Variants in COL28A1 observed in about 807,000 individuals in gnomAD.
The protein encoded by COL28A1 is collagen alpha-1(XXVIII) chain.
COL28A1 carries 161 observed loss-of-function variants against 150.2 expected under a neutral mutation model. The ratio of observed to expected loss-of-function variants is 1.07; its 90% CI spans 0.94 to 1.22. The LOEUF (loss-of-function observed/expected upper bound fraction) is 1.22. Among genes scored for constraint, COL28A1 ranks in the 50% most tolerant of loss-of-function variants. COL28A1 has a pLI of 0.00. For missense variants in COL28A1, 1,617 were observed against 1,388.3 expected (o/e 1.16, Z -2.62); for synonymous variants, 552 against 469.7 (o/e 1.18, Z -2.26).
intron 27 of COL28A1, among the ~76,000 whole-genome samples, chr7:7,383,682 G>GTGTGTGTGTATATA (rs1554262302): frequency 8.1e-6 from 1 of 124,098 alleles, no homozygotes; most frequent in African/African-American, 3.0e-5. Flanking sequence ...GTGTGTGTGT[G>GTGTGTGTGTATATA]TATATATATA....
chr7:7,355,493 C>CTG (rs1554257660), downstream of COL28A1, among the ~76,000 whole-genome samples: 1 of 152,044 alleles, frequency 6.6e-6, no homozygotes, highest in Non-Finnish European at 1.5e-5. Context: ...GGCTGTAGTC[C>CTG]TAGCTACTCA....
At chr7:7,524,899 C>G (rs7810348) in intron 3 of COL28A1, among the ~76,000 whole-genome samples, 1 of 152,050 alleles carries the variant, frequency 6.6e-6, no homozygotes, top group Non-Finnish European at 1.5e-5. Context: ...ACTTTATTTA[C>G]AGAATTTCAA....
chr7:7,445,784 G>A (rs530662684), intron 18 of COL28A1, among the ~76,000 whole-genome samples: 1 of 151,106 alleles, frequency 6.6e-6, no homozygotes, highest in South Asian at 2.1e-4. Context: ...CTAACACTAA[G>A]TAGATGGAAT....
At position 7,432,685 on chromosome 7, in the gene COL28A1, G is replaced by A. The variant is rs753811050; in HGVS notation, c.1876C>T (p.Arg626Trp). The change falls in exon 24 of 35, where the codon CGG becomes TGG. Residue 626 changes from arginine (R) to tryptophan (W), a missense_variant. Arg to Trp is a moderately radical substitution (Grantham distance 101). Transcript: ENST00000399429. ...AGTCCTGGAGCACCCACTGGTCCCC[G>A]AGGGCCTTGGACACCCTGGGTAAAT... The part of the protein sequence containing the change: ...IRGPKGVQGP[R>W]GPVGAPGLKG... The A allele has an allele frequency of 4.1e-5, 66 of 1,613,476 alleles. No individual in the cohort carries two copies. In the East Asian group the frequency reaches 5.6e-4, roughly 14 times the overall value.
At chr7:7,527,153 T>A (rs2115234366) in intron 3 of COL28A1, among the ~76,000 whole-genome samples, 1 of 152,340 alleles carries the variant, frequency 6.6e-6, no homozygotes, top group African/African-American at 2.4e-5. Flanking sequence ...GAATTTATAT[T>A]TCTATGGAAA....
chr7:7,381,472 T>G, intron 28 of COL28A1, 72 bp downstream of exon 28: 1 of 1,074,024 alleles, frequency 9.3e-7, no homozygotes, highest in South Asian at 1.3e-5. Context: ...TATATGAGAG[T>G]TCTTCCAAAG....
intron 34 of COL28A1, among the ~76,000 whole-genome samples, chr7:7,359,072 C>G (rs1221122449): frequency 6.6e-6 from 1 of 151,860 alleles, no homozygotes; most frequent in East Asian, 1.9e-4. Flanking sequence ...TGTTTATTTC[C>G]CTGAAAGCCT....
At chr7:7,394,971 A>G (rs1782753468) in intron 27 of COL28A1, among the ~76,000 whole-genome samples, 1 of 152,196 alleles carries the variant, frequency 6.6e-6, no homozygotes, top group Admixed American at 6.5e-5. Flanking sequence ...TCATTGCCTC[A>G]GACTGAAATG....
chr7:7,432,656 T>A lies in COL28A1; in HGVS notation c.1905A>T (p.Lys635Asn). 6.2e-7 allele frequency: 1 copy of A among 1,614,016 alleles called. No individual in the cohort carries two copies. Among genetic ancestry groups the A allele is most frequent in the Non-Finnish European group, 8.5e-7 (1 of 1,179,980 alleles). The change falls in exon 24 of 35, where the codon AAA becomes AAT. Residue 635 changes from lysine to asparagine, a missense_variant. By Grantham distance (94) the Lys-to-Asn change is moderately conservative. Transcript: ENST00000399429. ...CAGGCACACCAGGATAGCCATCACC[T>A]TTGAGTCCTGGAGCACCCACTGGTC... is the stretch of plus-strand genomic sequence containing the variant. ...PRGPVGAPGL[K>N]GDGYPGVPGP...
chr7:7,431,007 A>C (rs1784932237), intron 25 of COL28A1, among the ~76,000 whole-genome samples: 1 of 152,154 alleles, frequency 6.6e-6, no homozygotes, highest in South Asian at 2.1e-4. Flanking sequence ...GGCAGCTATC[A>C]AGATTCCCTT....
intron 13 of COL28A1, among the ~76,000 whole-genome samples, chr7:7,487,432 G>C (rs899309026): frequency 6.6e-6 from 1 of 152,048 alleles, no homozygotes; most frequent in Non-Finnish European, 1.5e-5. Flanking sequence ...ACAAAAATTA[G>C]CCAGGCATGG....
chr7:7,375,532 T>C (rs1053045818), intron 30 of COL28A1, 35 bp from the exon 31 acceptor site: 2 of 1,361,734 alleles, frequency 1.5e-6, no homozygotes, highest in Non-Finnish European at 1.0e-6. Context: ...TTACTATATG[T>C]ATGACTATAA....
At chr7:7,462,694 A>C (rs1368283347) in intron 15 of COL28A1, among the ~76,000 whole-genome samples, 1 of 152,112 alleles carries the variant, frequency 6.6e-6, no homozygotes, top group South Asian at 2.1e-4. Flanking sequence ...CCCCGTCTCT[A>C]CTAAAAATAC....
intron 9 of COL28A1, among the ~76,000 whole-genome samples, chr7:7,509,774 C>G (rs992594781): frequency 2.6e-5 from 4 of 152,062 alleles, no homozygotes; most frequent in African/African-American, 9.7e-5. Flanking sequence ...TATTCTTTGA[C>G]TTTCATTTCT....
chr7:7,381,593 C>A lies in COL28A1; in HGVS notation c.2156G>T (p.Gly719Val), dbSNP rs769189367. ...QGIKGEQGPQ[G>V]FPGPKGTMGH... is the part of the protein sequence containing the mutation. Reference sequence around the variant, plus strand: ...CATTGTGCCCTTTGGGCCTGGGAAGCCTTGTGGTCCTTGTTCCCCCTACAT... The same window carrying A: ...CATTGTGCCCTTTGGGCCTGGGAAGACTTGTGGTCCTTGTTCCCCCTACAT... Residue 719 changes from glycine to valine, a missense_variant, in exon 28 of 35, where the codon GGC becomes GTC. Coordinates refer to ENST00000399429, the MANE Select transcript of COL28A1 (RefSeq NM_001037763.3). The A allele has an allele frequency of 2.2e-5, 35 of 1,613,598 alleles. No homozygotes were observed. In the South Asian group the frequency reaches 3.8e-4, roughly 18 times the overall value.
intron 11 of COL28A1, among the ~76,000 whole-genome samples, chr7:7,498,640 CA>C (rs1367806335): frequency 6.6e-6 from 1 of 151,948 alleles, no homozygotes; most frequent in African/African-American, 2.4e-5. Context: ...TATATTTTAC[CA>C]CAATAAAAAC....
At chr7:7,367,124 C>T (rs946098431) in intron 33 of COL28A1, among the ~76,000 whole-genome samples, 1 of 152,188 alleles carries the variant, frequency 6.6e-6, no homozygotes, top group Admixed American at 6.5e-5. Flanking sequence ...ATACTTACCA[C>T]TGTGTTACAG....
intron 13 of COL28A1, 86 bp from the exon 14 acceptor site, chr7:7,477,266 G>C (rs1788973156): frequency 1.3e-6 from 1 of 768,294 alleles, no homozygotes; most frequent in Non-Finnish European, 2.3e-6. Context: ...GGAAGAAAGA[G>C]AATGGTTATA....
At chr7:7,485,902 G>T (rs924790897) in intron 13 of COL28A1, among the ~76,000 whole-genome samples, 6 of 152,082 alleles carry the variant, frequency 3.9e-5, no homozygotes, top group Admixed American at 1.3e-4. Flanking sequence ...ATTTCTCCAA[G>T]TGTATTCTTT....
Sources: allele counts gnomAD v4.1 joint callset (sites outside exome capture counted in the v4.1 genomes callset), GRCh38; gene constraint gnomAD v4.1.1; transcripts MANE v1.5; gene names NCBI Gene and HGNC (gene_info 2026-07-23, HGNC 2026-07-21).